NOXRED1: variants seen among roughly 807,000 people sequenced by gnomAD.
NOXRED1 encodes NADP-dependent oxidoreductase domain-containing protein 1.
Under a neutral mutation model 30.4 loss-of-function variants are expected in NOXRED1, and 20 were observed. The ratio of observed to expected loss-of-function variants is 0.66; its 90% confidence interval spans 0.46 to 0.96. NOXRED1 has a LOEUF of 0.96. NOXRED1 is among the 40% of genes least tolerant of loss of function. NOXRED1 has a pLI of 0.00. For missense variants in NOXRED1, 374 were observed against 428.0 expected (o/e 0.87, Z 1.11); for synonymous variants, 155 against 168.0 (o/e 0.92, Z 0.60).
chr14:77,394,149 T>A lies in NOXRED1; in HGVS notation c.*482A>T, dbSNP rs1412841467. ...CAGTCATATATAGTCAAAATAAGCA[T>A]GATACAAGCCATAATTCAATTAAGA... On this transcript the variant is annotated 3_prime_UTR_variant, in exon 6 of 6. Coordinates refer to ENST00000380835, the MANE Select transcript of NOXRED1 (RefSeq NM_001113475.3). The A allele has an allele frequency of 6.6e-6, 1 of 152,584 alleles. No individual in the cohort carries two copies. Among genetic ancestry groups the A allele is most frequent in the Non-Finnish European group, 1.5e-5 (1 of 68,318 alleles). The allele number at this position is 152,584 out of a possible 1,614,324, so 9.5% of individuals were successfully genotyped here.
rs889716469 is a variant in NOXRED1, at chr14:77,423,515, G to C, written c.-626C>G. ...CTGCTCCTCAGTACTTCTGATCCTG[G>C]AAGGTAAGAACTACATTTCTAAGGA... On this transcript the variant is annotated 5_prime_UTR_variant, in exon 1 of 6. Coordinates refer to ENST00000380835, the MANE Select transcript of NOXRED1 (RefSeq NM_001113475.3). 7.0e-6 allele frequency: 1 copy of C among 142,456 alleles called. No individual in the cohort carries two copies. The allele number at this position is 142,456 out of a possible 1,614,324, so 8.8% of individuals were successfully genotyped here.
At chr14:77,408,183 T>A (rs540608137) in intron 2 of NOXRED1, among the ~76,000 whole-genome samples, 48 of 152,246 alleles carry the variant, frequency 3.2e-4, no homozygotes, top group Admixed American at 7.2e-4. Flanking sequence ...TTCACCTTTA[T>A]CTTACTTTTA....
intron 1 of NOXRED1, among the ~76,000 whole-genome samples, chr14:77,415,181 AACACACACAC>A (rs57039967): frequency 0.09 from 13,366 of 149,196 alleles, 644 homozygotes; most frequent in Middle Eastern, 0.17. Flanking sequence ...GTCTCAGGAA[AACACACACAC>A]ACACACACAC....
At chr14:77,408,499 CTT>C (rs1313737697) in intron 2 of NOXRED1, among the ~76,000 whole-genome samples, 1 of 151,110 alleles carries the variant, frequency 6.6e-6, no homozygotes, top group Non-Finnish European at 1.5e-5. Context: ...GCTGCCCAGA[CTT>C]TTTTTTTAGG....
intron 2 of NOXRED1, among the ~76,000 whole-genome samples, chr14:77,410,830 G>A (rs1010141102): frequency 6.6e-6 from 1 of 152,146 alleles, no homozygotes; most frequent in African/African-American, 2.4e-5. Context: ...AATGATCCCA[G>A]CACTGACCTG....
intron 3 of NOXRED1, 126 bp from the exon 4 acceptor site, chr14:77,407,001 T>G (rs1894487364): frequency 3.7e-6 from 3 of 819,738 alleles, no homozygotes; most frequent in Non-Finnish European, 3.9e-6. Flanking sequence ...AATGCGGGTC[T>G]GGGTCTGTGC....
At chr14:77,410,452 T>C (rs997323025) in intron 2 of NOXRED1, among the ~76,000 whole-genome samples, 3 of 151,822 alleles carry the variant, frequency 2.0e-5, no homozygotes, top group Non-Finnish European at 2.9e-5. Flanking sequence ...TAAAATATTA[T>C]ACAAAAATTA....
intron 5 of NOXRED1, among the ~76,000 whole-genome samples, chr14:77,400,220 T>C (rs1894292334): frequency 6.6e-6 from 1 of 152,148 alleles, no homozygotes; most frequent in Non-Finnish European, 1.5e-5. Context: ...AAGAAGTTCC[T>C]TAGGAGGAAA....
At chr14:77,420,785 G>A (rs1894974207) in intron 1 of NOXRED1, among the ~76,000 whole-genome samples, 1 of 152,150 alleles carries the variant, frequency 6.6e-6, no homozygotes, top group Non-Finnish European at 1.5e-5. Flanking sequence ...GCACCATACA[G>A]GGGAAGATCT....
intron 5 of NOXRED1, among the ~76,000 whole-genome samples, chr14:77,400,916 A>C (rs914659284): frequency 6.6e-6 from 1 of 152,220 alleles, no homozygotes; most frequent in Non-Finnish European, 1.5e-5. Flanking sequence ...GAAACTGATG[A>C]GAGAAGTCTA....
chr14:77,396,325 C>T (rs998030854), intron 5 of NOXRED1, among the ~76,000 whole-genome samples: 1 of 102,720 alleles, frequency 9.7e-6, no homozygotes, highest in African/African-American at 5.8e-5. Context: ...TCTCAGCTCA[C>T]CACAACCTCC....
intron 2 of NOXRED1, among the ~76,000 whole-genome samples, chr14:77,410,909 CA>C (rs1894631436): frequency 6.6e-6 from 1 of 152,018 alleles, no homozygotes; most frequent in South Asian, 2.1e-4. Context: ...TTTGGGAGGT[CA>C]ATTTGAAAAA....
chr14:77,411,418 C>T (rs1566710942), intron 2 of NOXRED1, among the ~76,000 whole-genome samples: 1 of 143,674 alleles, frequency 7.0e-6, no homozygotes, highest in African/African-American at 2.6e-5. Flanking sequence ...TGCCGTGAGC[C>T]GAGATCACAC....
At chr14:77,420,154 C>A (rs1894949319) in intron 1 of NOXRED1, among the ~76,000 whole-genome samples, 3 of 152,052 alleles carry the variant, frequency 2.0e-5, no homozygotes, top group African/African-American at 7.2e-5. Context: ...AGATTTTCTT[C>A]ACTTTTCTTT....
chr14:77,422,312 G>A (rs1895017275), intron 1 of NOXRED1, among the ~76,000 whole-genome samples: 4 of 152,208 alleles, frequency 2.6e-5, no homozygotes, highest in Admixed American at 2.6e-4. Context: ...CACAGGGCCT[G>A]TGAAGTCCCG....
chr14:77,397,881 C>CAA (rs34854528), intron 5 of NOXRED1, among the ~76,000 whole-genome samples: 87 of 102,528 alleles, frequency 8.5e-4, no homozygotes, highest in South Asian at 4.5e-3. Context: ...AACTCCATCT[C>CAA]AAAAAAAAAA....
chr14:77,395,490 A>G (rs922602883), intron 5 of NOXRED1, among the ~76,000 whole-genome samples: 1 of 152,010 alleles, frequency 6.6e-6, no homozygotes, highest in Non-Finnish European at 1.5e-5. Context: ...CTTTTAAGAT[A>G]TCCTCTTTAG....
chr14:77,424,124 G>T (rs1465850357), upstream of NOXRED1, among the ~76,000 whole-genome samples: 2 of 152,300 alleles, frequency 1.3e-5, no homozygotes, highest in South Asian at 2.1e-4. Flanking sequence ...CCTTTTATAG[G>T]AAGGCTGTTA....
Position 77,407,549 on chromosome 14 carries a change from A to C in NOXRED1, c.446T>G (p.Leu149Arg). The change falls in exon 3 of 6, where the codon CTG (leucine) becomes CGG (arginine). Residue 149 changes from leucine to arginine, a missense_variant. By Grantham distance (102) the Leu-to-Arg change is moderately radical. Coordinates refer to ENST00000380835, the MANE Select transcript of NOXRED1 (RefSeq NM_001113475.3). ...VIFLCCLPSQ[L>R]PNICVEIYTS... ...GTAAATTTCTACGCAGATATTAGGCAGCTGAGACGGCAAGCAGCAGAGGAA... is the reference window on the plus strand; with the variant it reads ...GTAAATTTCTACGCAGATATTAGGCCGCTGAGACGGCAAGCAGCAGAGGAA... The C allele has an allele frequency of 6.2e-7, 1 of 1,613,954 alleles. No individual in the cohort carries two copies. Among genetic ancestry groups the C allele is most frequent in the Non-Finnish European group, 8.5e-7 (1 of 1,179,778 alleles).
Sources: gnomAD v4.1 joint callset for allele counts (sites outside exome capture counted in the v4.1 genomes callset) on GRCh38, gnomAD v4.1.1 for gene constraint, MANE v1.5 for transcripts, NCBI Gene and HGNC (gene_info 2026-07-23, HGNC 2026-07-21) for gene names.